HSP90AA1: variants seen among roughly 807,000 people sequenced by gnomAD.
HSP90AA1 encodes the protein heat shock protein 90 alpha family class A member 1.
A neutral mutation model predicts 73.3 loss-of-function variants in HSP90AA1; 18 were observed. That is an observed-to-expected ratio of 0.25 (90% confidence interval 0.17 to 0.36). The LOEUF (loss-of-function observed/expected upper bound fraction) is 0.36. Among genes scored for constraint, HSP90AA1 ranks in the 10% least tolerant of loss-of-function variants. HSP90AA1 has a pLI of 1.00. For synonymous variants in HSP90AA1, 477 were observed against 296.9 expected (o/e 1.61, Z -6.24); for missense variants, 704 against 874.2 (o/e 0.81, Z 2.45).
chr14:102,139,285 G>C (rs1464105285), exon 1 of HSP90AA1: 1 of 1,614,064 alleles, frequency 6.2e-7, no homozygotes, highest in East Asian at 2.2e-5. Context: ...CTTCAGAGGG[G>C]CTTCCTGGGC....
chr14:102,093,248 C>T (rs1056288210), intron 2 of HSP90AA1, among the ~76,000 whole-genome samples: 8 of 149,834 alleles, frequency 5.3e-5, no homozygotes, highest in African/African-American at 7.3e-5. Flanking sequence ...CAGTGGCTCA[C>T]GCCTGTAATC....
intron 2 of HSP90AA1, among the ~76,000 whole-genome samples, chr14:102,099,209 T>C (rs1414153239): frequency 6.6e-6 from 1 of 152,248 alleles, no homozygotes; most frequent in Non-Finnish European, 1.5e-5. Context: ...CTCCAAAGCA[T>C]ACAGCATGCT....
At chr14:102,100,704 C>T (rs1422978694) in intron 2 of HSP90AA1, among the ~76,000 whole-genome samples, 9 of 152,184 alleles carry the variant, frequency 5.9e-5, no homozygotes, top group Non-Finnish European at 1.2e-4. Context: ...GGATTACAGG[C>T]GTGAGCCACC....
chr14:102,087,845 A>G (rs1313482637), upstream of HSP90AA1, among the ~76,000 whole-genome samples: 1 of 149,442 alleles, frequency 6.7e-6, no homozygotes, highest in African/African-American at 2.5e-5. Context: ...ACCCGGCATG[A>G]TTTTGAAAAG....
rs2049215571 is a variant in HSP90AA1, at chr14:102,085,742, A to G, written c.529+16T>C. 27 of 1,613,848 alleles carry G rather than the reference A, an allele frequency of 1.7e-5. No individual in the cohort carries two copies. Among genetic ancestry groups the G allele is most frequent in the Non-Finnish European group, 2.2e-5 (26 of 1,179,886 alleles). On this transcript the variant is annotated intron_variant, in intron 3 of 10. Transcript: ENST00000216281. ...CTTCCACCGCTCACTTAACCAGTGA[A>G]TGTTCAGGTGCCTACCTGTGTCTGT...
chr14:102,120,186 G>A (rs948363248), intron 1 of HSP90AA1, among the ~76,000 whole-genome samples: 2 of 151,490 alleles, frequency 1.3e-5, no homozygotes, highest in Non-Finnish European at 3.0e-5. Context: ...AAACACAGTG[G>A]GACCCCATCT....
At chr14:102,139,587 C>G in exon 1 of HSP90AA1, 3 of 699,588 alleles carry the variant, frequency 4.3e-6, no homozygotes, top group Non-Finnish European at 7.0e-6. Flanking sequence ...CCCTGACCGG[C>G]TTTCCGCTGG....
In HSP90AA1 at chr14:102,084,693, G is replaced by A. The variant is rs372516174; in HGVS notation, c.969C>T (p.His323=). 5.0e-6 allele frequency: 8 copies of A among 1,613,692 alleles called. No individual in the cohort carries two copies. The highest frequency in any genetic ancestry group is 2.2e-5 in the East Asian group (1 of 44,894). ...ATCAGTCACTCACCTTCACTGCCAA[G>A]TGATCTTCCCAGTCATTGGTCAAGC... is the stretch of plus-strand genomic sequence containing the variant. ...YKSLTNDWED[H]LAVKHFSVEG... is the part of the protein sequence containing the mutation. Residue 323 remains histidine (H), a synonymous_variant, in exon 5 of 11, where the codon CAC becomes CAT. Coordinates refer to ENST00000216281, the MANE Select transcript of HSP90AA1 (RefSeq NM_005348.4).
At chr14:102,120,470 A>T (rs1246813163) in intron 1 of HSP90AA1, among the ~76,000 whole-genome samples, 11 of 152,098 alleles carry the variant, frequency 7.2e-5, no homozygotes, top group Non-Finnish European at 4.4e-5. Flanking sequence ...AAGAGATTTT[A>T]TATATTTTGT....
At chr14:102,110,298 T>A (rs933574358) in intron 1 of HSP90AA1, among the ~76,000 whole-genome samples, 1 of 152,170 alleles carries the variant, frequency 6.6e-6, no homozygotes, top group Admixed American at 6.5e-5. Context: ...TAAAGATTTG[T>A]GGAAATTTGA....
intron 1 of HSP90AA1, among the ~76,000 whole-genome samples, chr14:102,105,633 CAAGG>C (rs1356546688): frequency 6.6e-6 from 1 of 152,178 alleles, no homozygotes; most frequent in East Asian, 1.9e-4. Flanking sequence ...CCTGCATCTG[CAAGG>C]TGTGGGCTTG....
chr14:102,097,065 G>A (rs1460503349), intron 2 of HSP90AA1, among the ~76,000 whole-genome samples: 1 of 151,944 alleles, frequency 6.6e-6, no homozygotes, highest in Non-Finnish European at 1.5e-5. Flanking sequence ...TCAGCTCACT[G>A]CAACCTCCAC....
At position 102,083,996 on chromosome 14, in the gene HSP90AA1, T is replaced by C. The variant is rs180917872; in HGVS notation, c.1148-13A>G. The C allele has an allele frequency of 3.4e-5, 55 of 1,599,128 alleles. No individual in the cohort carries two copies. In the East Asian group the frequency reaches 5.6e-4, roughly 16 times the overall value. On this transcript the variant is annotated splice_polypyrimidine_tract_variant and intron_variant, in intron 6 of 10. Transcript: ENST00000216281. ...CCTCTAATGAAGTCTGAAAAAAATA[T>C]AAACCAAATGCACTGAGTCATTCCA...
Position 102,085,039 on chromosome 14 carries a change from A to G in HSP90AA1, c.664-41T>C, listed in dbSNP as rs968275773. The G allele has an allele frequency of 6.8e-6, 11 of 1,613,860 alleles. 1 individual carries two copies. The South Asian group carries it at 9.9e-5, about 14-fold the overall frequency. Reference sequence around the variant, plus strand: ...CGAAATCACATCACTGCTGCACTCCAGAACTAAGCGACAGCGCTGCACCAC... The same window carrying G: ...CGAAATCACATCACTGCTGCACTCCGGAACTAAGCGACAGCGCTGCACCAC... On this transcript the variant is annotated intron_variant, in intron 4 of 10. Transcript: ENST00000216281.
chr14:102,112,717 G>A (rs1359393753), intron 1 of HSP90AA1, among the ~76,000 whole-genome samples: 1 of 151,224 alleles, frequency 6.6e-6, no homozygotes, highest in African/African-American at 2.4e-5. Flanking sequence ...TTGGCCTCAA[G>A]GCATCCTCCT....
rs1048447399 is a variant in HSP90AA1, at chr14:102,086,006, G to C, written c.281C>G (p.Thr94Ser). 2.5e-6 allele frequency: 4 copies of C among 1,613,802 alleles called. No homozygotes were observed. The highest frequency in any genetic ancestry group is 3.4e-6 in the Non-Finnish European group (4 of 1,179,868). ...GTCAGCCTTGGTCATTCCAATTCCA[G>C]TATCCACAATAGTGAGAGTTCGATC... ...KQDRTLTIVD[T>S]GIGMTKADLI... is the part of the protein sequence containing the mutation. The change falls in exon 3 of 11, where the codon ACT becomes AGT. Residue 94 changes from threonine to serine, a missense_variant. Coordinates refer to ENST00000216281, the MANE Select transcript of HSP90AA1 (RefSeq NM_005348.4).
chr14:102,086,843 G>A lies in HSP90AA1; in HGVS notation c.-1+143C>T, dbSNP rs190032810. On this transcript the variant is annotated intron_variant, in intron 1 of 10. Coordinates refer to ENST00000216281, the MANE Select transcript of HSP90AA1 (RefSeq NM_005348.4). Reference sequence around the variant, plus strand: ...AAACCGCAGCGGTCCCGAGGCCTCCGGAATAGAAAGCGCGGCCGCCCGGGA... The same window carrying A: ...AAACCGCAGCGGTCCCGAGGCCTCCAGAATAGAAAGCGCGGCCGCCCGGGA... The A allele has an allele frequency of 4.9e-3, 1,614 of 332,714 alleles. 29 individuals carry two copies. The highest frequency in any genetic ancestry group is 0.034 in the African/African-American group (1,520 of 44,754). The allele number at this position is 332,714 out of a possible 1,614,324, so 20.6% of individuals were successfully genotyped here.
chr14:102,128,784 T>C (rs1260501833), intron 1 of HSP90AA1, among the ~76,000 whole-genome samples: 1 of 151,890 alleles, frequency 6.6e-6, no homozygotes, highest in African/African-American at 2.4e-5. Flanking sequence ...GTGAGCCATA[T>C]AGCGACACTC....
intron 1 of HSP90AA1, among the ~76,000 whole-genome samples, chr14:102,139,022 A>C (rs2050135727): frequency 6.6e-6 from 1 of 152,150 alleles, no homozygotes; most frequent in African/African-American, 2.4e-5. Flanking sequence ...AAGATCAGTG[A>C]ATCCTAAAAA....
Sources: allele counts gnomAD v4.1 joint callset (sites outside exome capture counted in the v4.1 genomes callset), GRCh38; gene constraint gnomAD v4.1.1; transcripts MANE v1.5; gene names NCBI Gene and HGNC (gene_info 2026-07-23, HGNC 2026-07-21).